The following MIER3 variants were observed in gnomAD, a reference collection of about 807,000 sequenced individuals.
MIER3 encodes the protein mesoderm induction early response protein 3.
A neutral mutation model predicts 63.2 loss-of-function variants in MIER3; 9 were observed. The observed-to-expected ratio is 0.14, with a 90% confidence interval of 0.09 to 0.25. The LOEUF (loss-of-function observed/expected upper bound fraction) is 0.25, where lower values mean the gene tolerates loss of function less well. MIER3 is among the 10% of genes least tolerant of loss of function. The pLI is 1.00. For missense variants in MIER3, 512 were observed against 666.2 expected (o/e 0.77, Z 2.55); for synonymous variants, 205 against 224.9 (o/e 0.91, Z 0.79).
chr5:56,931,066 C>A (rs1750250010), intron 8 of MIER3, among the ~76,000 whole-genome samples: 2 of 152,082 alleles, frequency 1.3e-5, no homozygotes, highest in Admixed American at 1.3e-4. Flanking sequence ...TTAGATGTTT[C>A]TTTTTCTAGT....
intron 2 of MIER3, among the ~76,000 whole-genome samples, chr5:56,947,366 C>G (rs950953393): frequency 6.6e-6 from 1 of 152,056 alleles, no homozygotes; most frequent in South Asian, 2.1e-4. Context: ...TTTAAAGAAA[C>G]ATTCTAATAG....
rs373549503 is a variant in MIER3, at chr5:56,923,112, G to A, written c.*16C>T. ...TTACTGGTGCTGCACACGCAGTTCC[G>A]GGATCCTCACTCAGGTCACTCAGAG... On this transcript the variant is annotated 3_prime_UTR_variant, in exon 13 of 13. Transcript: ENST00000381199. 3.6e-5 allele frequency: 58 copies of A among 1,607,046 alleles called. 1 individual carries two copies. In the South Asian group the frequency reaches 3.6e-4, roughly 10 times the overall value.
At chr5:56,927,211 A>G (rs1750033279) in intron 10 of MIER3, among the ~76,000 whole-genome samples, 1 of 152,188 alleles carries the variant, frequency 6.6e-6, no homozygotes, top group South Asian at 2.1e-4. Context: ...GGAATGTACA[A>G]CATGAAGAGC....
Position 56,935,646 on chromosome 5 carries a change from A to C in MIER3, c.522+20T>G, listed in dbSNP as rs1750417035. 1 of 1,599,048 alleles carries C rather than the reference A, an allele frequency of 6.3e-7. No individual in the cohort carries two copies. Among genetic ancestry groups the C allele is most frequent in the Non-Finnish European group, 8.5e-7 (1 of 1,171,448 alleles). On this transcript the variant is annotated intron_variant, in intron 6 of 12. Coordinates refer to ENST00000381199, the MANE Select transcript of MIER3 (RefSeq NM_001297599.2). ...ATATTTTTAAAAGCCAATTTAGTCC[A>C]CTATATTAACTCAGCTTACCTTCCT...
In MIER3 at chr5:56,920,428, TAAGAA is replaced by T. The variant is rs1412375652; in HGVS notation, c.*2695_*2699del. On this transcript the variant is annotated 3_prime_UTR_variant, in exon 13 of 13. Transcript: ENST00000381199. ...TCACCATGAATTTTTGGTTTGTTCA[TAAGAA>T]AATAATGGGGCAAAGGAAAAAAAAA... 1 of 152,310 alleles carries T rather than the reference TAAGAA, an allele frequency of 6.6e-6. No individual in the cohort carries two copies. Among genetic ancestry groups the T allele is most frequent in the Non-Finnish European group, 1.5e-5 (1 of 67,904 alleles). 9.4% of individuals were successfully genotyped at this position (152,310 alleles called of 1,614,324 possible).
chr5:56,938,199 T>G, intron 4 of MIER3: 1 of 466,466 alleles, frequency 2.1e-6, no homozygotes, highest in East Asian at 7.0e-5. Context: ...TAGCACAAAG[T>G]AGCCACTCAA....
At chr5:56,948,976 G>T (rs1750922995) in intron 2 of MIER3, among the ~76,000 whole-genome samples, 1 of 152,196 alleles carries the variant, frequency 6.6e-6, no homozygotes, top group South Asian at 2.1e-4. Context: ...GGACCTAAAG[G>T]AAGTCATTTA....
rs201015212 is a variant in MIER3 at position 56,926,043 on chromosome 5, T to TA, written c.925-2002dup. ...ATGCTAGTACAACTGGACATCCACA[T>TA]AAAAAAAAAGAGAAATGAATCTAGA... On this transcript the variant is annotated intron_variant, in intron 10 of 12. Coordinates refer to ENST00000381199, the MANE Select transcript of MIER3 (RefSeq NM_001297599.2). Among the ~76,000 whole-genome samples, 705 of 150,356 alleles carry TA rather than the reference T, an allele frequency of 4.7e-3. 1 individual carries two copies. Among genetic ancestry groups the TA allele is most frequent in the Middle Eastern group, 0.031 (9 of 290 alleles).
At chr5:56,936,589 T>A (rs1449882141) in intron 5 of MIER3, among the ~76,000 whole-genome samples, 1 of 152,068 alleles carries the variant, frequency 6.6e-6, no homozygotes, top group Non-Finnish European at 1.5e-5. Flanking sequence ...TGGCTCCCTG[T>A]GACCTCAAAG....
At chr5:56,931,849 T>C (rs1021564313) in intron 8 of MIER3, among the ~76,000 whole-genome samples, 1 of 152,218 alleles carries the variant, frequency 6.6e-6, no homozygotes, top group Admixed American at 6.5e-5. Context: ...TATGCAATTA[T>C]GAGGTGTCAA....
At chr5:56,951,137 C>T (rs1422622988) in intron 1 of MIER3, among the ~76,000 whole-genome samples, 1 of 152,192 alleles carries the variant, frequency 6.6e-6, no homozygotes, top group Non-Finnish European at 1.5e-5. Context: ...GATCTCTTCC[C>T]CTGCAGCGTA....
intron 10 of MIER3, among the ~76,000 whole-genome samples, chr5:56,924,263 T>A (rs186113030): frequency 0.013 from 1,984 of 151,994 alleles, 37 homozygotes; most frequent in African/African-American, 0.044. Flanking sequence ...GTTTTTTTTT[T>A]AAAAAAATCA....
chr5:56,939,734 A>G (rs1184679033), intron 3 of MIER3, among the ~76,000 whole-genome samples: 1 of 152,212 alleles, frequency 6.6e-6, no homozygotes, highest in Non-Finnish European at 1.5e-5. Context: ...CATGCCTCAC[A>G]GTGACACCAA....
Position 56,923,723 on chromosome 5 carries a change from A to C in MIER3, c.1163T>G (p.Ile388Ser), listed in dbSNP as rs1333303811. ...PEPIPDQQLN[I>S]LNSFTASDLT... ...GTCACTGGCAGTGAAGGAGTTGAGA[A>C]TGTTTAGCTGTTGATCAGGAATAGG... is the stretch of plus-strand genomic sequence containing the variant. Residue 388 changes from isoleucine to serine, a missense_variant, in exon 12 of 13, where the codon ATT (isoleucine) becomes AGT (serine). Transcript: ENST00000381199. The C allele has an allele frequency of 6.2e-7, 1 of 1,614,234 alleles. No individual in the cohort carries two copies. Among genetic ancestry groups the C allele is most frequent in the South Asian group, 1.1e-5 (1 of 91,084 alleles).
chr5:56,941,797 G>A (rs1418088744), intron 3 of MIER3, among the ~76,000 whole-genome samples: 2 of 152,142 alleles, frequency 1.3e-5, no homozygotes, highest in Admixed American at 6.5e-5. Flanking sequence ...TACAAGAGAA[G>A]CAGGGAAACC....
chr5:56,941,973 C>G (rs60152895), intron 3 of MIER3, among the ~76,000 whole-genome samples: 3,313 of 152,192 alleles, frequency 0.022, 132 homozygotes, highest in African/African-American at 0.076. Context: ...ATGGTGGTAA[C>G]TTCTGCCAAG....
intron 4 of MIER3, chr5:56,938,402 T>C (rs1750528073): frequency 1.5e-5 from 7 of 469,996 alleles, no homozygotes; most frequent in South Asian, 9.3e-5. Flanking sequence ...TGAATTTTCC[T>C]CAGCAGGGAC....
chr5:56,950,489 T>C (rs1750981904), intron 2 of MIER3, 139 bp downstream of exon 2: 10 of 877,942 alleles, frequency 1.1e-5, no homozygotes, highest in Admixed American at 8.2e-5. Flanking sequence ...CAAACTTTAC[T>C]AAATGCACAC....
chr5:56,923,693 G>A lies in MIER3; in HGVS notation c.1193C>T (p.Thr398Ile). 6.2e-7 allele frequency: 1 copy of A among 1,614,206 alleles called. No individual in the cohort carries two copies. Among genetic ancestry groups the A allele is most frequent in the African/African-American group, 1.3e-5 (1 of 75,056 alleles). The change falls in exon 12 of 13, where the codon ACA becomes ATA. Residue 398 changes from threonine to isoleucine, a missense_variant and splice_region_variant. Physicochemically the swap from Thr to Ile is moderately conservative, Grantham distance 89 (BLOSUM62 -1). Transcript: ENST00000381199. ...ILNSFTASDL[T>I]ALTNSVATVC... ...ATGCAGAAAGGTCTTCATTTTACCT[G>A]TCAAGTCACTGGCAGTGAAGGAGTT...
Sources: allele counts gnomAD v4.1 joint callset (sites outside exome capture counted in the v4.1 genomes callset), GRCh38; gene constraint gnomAD v4.1.1; transcripts MANE v1.5; gene names NCBI Gene and HGNC (gene_info 2026-07-23, HGNC 2026-07-21).